Variants in ULK4 observed in about 807,000 individuals in gnomAD.
ULK4 encodes unc-51 like kinase 4.
Under a neutral mutation model 160.6 loss-of-function variants are expected in ULK4, and 133 were observed. The observed-to-expected ratio is 0.83, with a 90% CI of 0.72 to 0.96. ULK4 has a LOEUF of 0.96. Ranked by LOEUF, ULK4 falls within the 40% of genes least tolerant of loss-of-function variation. The pLI is 0.00. For missense variants in ULK4, 1,580 were observed against 1,499.5 expected, an observed-to-expected ratio of 1.05 and a Z score of -0.89; for synonymous variants, 534 against 539.8, an observed-to-expected ratio of 0.99 and a Z score of 0.15.
At chr3:41,420,471 C>CTTTTTTTTTTTTTTTTTTTTTTTTTTTT (rs1339143112) in intron 34 of ULK4, among the ~76,000 whole-genome samples, 3 of 63,242 alleles carry the variant, frequency 4.7e-5, no homozygotes, top group African/African-American at 1.9e-4. Flanking sequence ...TTTTCCAGTT[C>CTTTTTTTTTTTTTTTTTTTTTTTTTTTT]TTTCTTTTTT....
At chr3:41,781,361 G>A (rs1272457229) in intron 21 of ULK4, among the ~76,000 whole-genome samples, 1 of 150,388 alleles carries the variant, frequency 6.6e-6, no homozygotes. Context: ...AGCTTGCAGT[G>A]AGCCAAGATC....
chr3:41,956,051 G>A (rs142597640), intron 1 of ULK4, among the ~76,000 whole-genome samples: 367 of 152,198 alleles, frequency 2.4e-3, no homozygotes, highest in African/African-American at 7.9e-3. Flanking sequence ...AACTTTCCAC[G>A]CCTAAGTAAC....
rs536638151 is a variant in ULK4 at position 41,434,018 on chromosome 3, G to A, written c.3492+21479C>T. Among the ~76,000 whole-genome samples, 20 of 152,186 alleles carry A rather than the reference G, an allele frequency of 1.3e-4. 1 individual carries two copies. Among genetic ancestry groups the A allele is most frequent in the Admixed American group, 9.2e-4 (14 of 15,288 alleles). ...ATTACAGGCGTGAGCCACCACACCCGGCCTATCCCAAACTTTTTGAGTGTC... is the reference window on the plus strand; with the variant it reads ...ATTACAGGCGTGAGCCACCACACCCAGCCTATCCCAAACTTTTTGAGTGTC... On this transcript the variant is annotated intron_variant, in intron 34 of 36. Coordinates refer to ENST00000301831, the MANE Select transcript of ULK4 (RefSeq NM_017886.4).
intron 18 of ULK4, among the ~76,000 whole-genome samples, chr3:41,827,706 A>T (rs997891960): frequency 2.0e-5 from 3 of 152,206 alleles, no homozygotes; most frequent in Admixed American, 6.5e-5. Context: ...TCACAGCCAA[A>T]ATCTACCAGA....
chr3:41,772,735 C>T (rs1434029871), intron 21 of ULK4, among the ~76,000 whole-genome samples: 43 of 152,256 alleles, frequency 2.8e-4, no homozygotes, highest in Non-Finnish European at 4.4e-4. Flanking sequence ...CCAGCATCAT[C>T]CTGATACCAA....
At chr3:41,705,200 CATA>C (rs2036830585) in intron 26 of ULK4, 49 bp from the exon 27 acceptor site, 2 of 1,609,606 alleles carry the variant, frequency 1.2e-6, no homozygotes, top group East Asian at 4.5e-5. Flanking sequence ...TGTTCTAAAT[CATA>C]ATATCAAAGT....
intron 31 of ULK4, among the ~76,000 whole-genome samples, chr3:41,580,191 G>A (rs2030174079): frequency 6.6e-6 from 1 of 152,246 alleles, no homozygotes; most frequent in South Asian, 2.1e-4. Context: ...ACAAGCGGCT[G>A]TCATGAGCTT....
chr3:41,492,783 C>G (rs1432986394), intron 32 of ULK4, among the ~76,000 whole-genome samples: 1 of 149,138 alleles, frequency 6.7e-6, no homozygotes, highest in African/African-American at 2.5e-5. Context: ...CAATCCTAGT[C>G]TCTGATAAAA....
At chr3:41,820,056 G>A (rs1043465870) in intron 18 of ULK4, among the ~76,000 whole-genome samples, 2 of 152,068 alleles carry the variant, frequency 1.3e-5, no homozygotes, top group Non-Finnish European at 2.9e-5. Context: ...CCAAATTAGT[G>A]TAATAACCAC....
At chr3:41,619,988 T>C (rs139802438) in intron 30 of ULK4, among the ~76,000 whole-genome samples, 2 of 152,262 alleles carry the variant, frequency 1.3e-5, no homozygotes, top group Non-Finnish European at 2.9e-5. Context: ...CAAAAACCTC[T>C]ATGCAAATAA....
At chr3:41,358,090 T>C (rs2081062217) in intron 35 of ULK4, among the ~76,000 whole-genome samples, 1 of 152,214 alleles carries the variant, frequency 6.6e-6, no homozygotes, top group Non-Finnish European at 1.5e-5. Flanking sequence ...ACTTGTGCTG[T>C]TCACCATTAC....
intron 33 of ULK4, among the ~76,000 whole-genome samples, chr3:41,462,286 A>C (rs115377168): frequency 7.5e-4 from 114 of 152,290 alleles, no homozygotes; most frequent in African/African-American, 2.6e-3. Context: ...TTTGGTTTCA[A>C]CTTTAGCTTC....
At chr3:41,286,171 C>A (rs528380184) in intron 35 of ULK4, among the ~76,000 whole-genome samples, 1 of 152,096 alleles carries the variant, frequency 6.6e-6, no homozygotes, top group South Asian at 2.1e-4. Context: ...TGATACATAA[C>A]GATTTCCTTT....
chr3:41,265,883 C>T (rs2079022836), intron 35 of ULK4, among the ~76,000 whole-genome samples: 1 of 152,198 alleles, frequency 6.6e-6, no homozygotes, highest in Admixed American at 6.5e-5. Context: ...CCATTCTGCA[C>T]AGCTTGGTGG....
Position 41,889,500 on chromosome 3 carries a change from C to A in ULK4, c.1578-5548G>T, listed in dbSNP as rs536830869. On this transcript the variant is annotated intron_variant, in intron 16 of 36. Transcript: ENST00000301831. ...AATAAAAGAAGAGAATTTGCATGGA[C>A]ACAAAGAGGGAACAACAGACACCGG... Among the ~76,000 whole-genome samples, 10 of 152,180 alleles carry A rather than the reference C, an allele frequency of 6.6e-5. 1 individual carries two copies. In the South Asian group the frequency reaches 2.1e-3, roughly 32 times the overall value.
At position 41,339,493 on chromosome 3, in the gene ULK4, C is replaced by T. The variant is rs77662373; in HGVS notation, c.3678+58586G>A. Among the ~76,000 whole-genome samples the T allele has an allele frequency of 3.9e-3, 591 of 152,242 alleles. 4 individuals are homozygous for T. Among genetic ancestry groups the T allele is most frequent in the Non-Finnish European group, 6.1e-3 (412 of 68,012 alleles). ...TCCCTGCTAGGCTCCTACTGTGCTC[C>T]GTTTCCTCCCCTCTCCTGCTTCTCC... is the stretch of plus-strand genomic sequence containing the variant. On this transcript the variant is annotated intron_variant, in intron 35 of 36. Transcript: ENST00000301831.
At chr3:41,419,969 C>A (rs2082623401) in intron 34 of ULK4, among the ~76,000 whole-genome samples, 1 of 151,984 alleles carries the variant, frequency 6.6e-6, no homozygotes, top group Non-Finnish European at 1.5e-5. Flanking sequence ...CTTCCATATG[C>A]CTCCTGTCTC....
chr3:41,706,461 T>C (rs894437153), intron 25 of ULK4, among the ~76,000 whole-genome samples: 9 of 147,984 alleles, frequency 6.1e-5, no homozygotes, highest in African/African-American at 2.2e-4. Flanking sequence ...TGGTAACAAA[T>C]AGCAAATAAA....
intron 25 of ULK4, among the ~76,000 whole-genome samples, chr3:41,714,838 C>G (rs150087625): frequency 0.029 from 3,501 of 119,466 alleles, 58 homozygotes; most frequent in Non-Finnish European, 0.038. Context: ...GGCAACAGAG[C>G]GAGACTCTGT....
Sources: gnomAD v4.1 joint callset for allele counts (sites outside exome capture counted in the v4.1 genomes callset) on GRCh38, gnomAD v4.1.1 for gene constraint, MANE v1.5 for transcripts, NCBI Gene and HGNC (gene_info 2026-07-23, HGNC 2026-07-21) for gene names.